The following SERPINI1 variants were observed in gnomAD, a reference collection of about 807,000 sequenced individuals.
The protein encoded by SERPINI1 is neuroserpin.
In SERPINI1, 19 loss-of-function variants were observed where a neutral mutation model predicts 41.1. The ratio of observed to expected loss-of-function variants is 0.46; its 90% CI spans 0.32 to 0.68. The LOEUF (loss-of-function observed/expected upper bound fraction) is 0.68, where lower values mean the gene tolerates loss of function less well. SERPINI1 is among the 30% of genes least tolerant of loss of function. SERPINI1 has a pLI of 0.03. For missense variants in SERPINI1, 460 were observed against 479.2 expected, an observed-to-expected ratio of 0.96 and a Z score of 0.37; for synonymous variants, 138 against 156.6, an observed-to-expected ratio of 0.88 and a Z score of 0.89.
At chr3:167,743,118 T>C (rs1183833599) in intron 1 of SERPINI1, among the ~76,000 whole-genome samples, 8 of 152,134 alleles carry the variant, frequency 5.3e-5, no homozygotes, top group Non-Finnish European at 1.0e-4. Flanking sequence ...TTAAAAAATA[T>C]GGGTATAATA....
intron 6 of SERPINI1, among the ~76,000 whole-genome samples, chr3:167,811,466 AAAAG>A (rs547835346): frequency 1.3e-5 from 2 of 150,750 alleles, no homozygotes; most frequent in Non-Finnish European, 3.0e-5. Context: ...GCTAAAAAAA[AAAAG>A]AAAAAGAAGA....
chr3:167,785,544 C>A (rs1424027010), intron 1 of SERPINI1, among the ~76,000 whole-genome samples: 1 of 152,124 alleles, frequency 6.6e-6, no homozygotes, highest in Non-Finnish European at 1.5e-5. Context: ...TGACTTTGGG[C>A]AAATTCCTAA....
chr3:167,762,764 A>G (rs1367508583), intron 1 of SERPINI1, among the ~76,000 whole-genome samples: 1 of 149,674 alleles, frequency 6.7e-6, no homozygotes, highest in Non-Finnish European at 1.5e-5. Context: ...ATCCCCTTTC[A>G]CTGAGGTTTT....
intron 1 of SERPINI1, among the ~76,000 whole-genome samples, chr3:167,768,991 T>C (rs1726654762): frequency 6.6e-6 from 1 of 151,446 alleles, no homozygotes; most frequent in Non-Finnish European, 1.5e-5. Context: ...TTTGTTTGTT[T>C]GTTTGTTTGT....
intron 1 of SERPINI1, among the ~76,000 whole-genome samples, chr3:167,760,859 G>A (rs1229434874): frequency 2.0e-5 from 3 of 152,272 alleles, no homozygotes; most frequent in South Asian, 2.1e-4. Context: ...GTAAAGGCAA[G>A]TTCAGGCAGA....
chr3:167,812,376 C>A lies in SERPINI1; in HGVS notation c.979+5035C>A, dbSNP rs571645295. On this transcript the variant is annotated intron_variant, in intron 6 of 8. Transcript: ENST00000446050. ...CCTGCCCAGCCAAACTAAATACTCA[C>A]TCTGTGTCTCACCTGTCCCCAGCTC... 2.0e-5 allele frequency among the ~76,000 whole-genome samples: 3 copies of A among 152,314 alleles called. No homozygotes were observed. The East Asian group carries it at 5.8e-4, about 29-fold the overall frequency.
chr3:167,766,525 C>T (rs1726573621), intron 1 of SERPINI1, among the ~76,000 whole-genome samples: 1 of 152,190 alleles, frequency 6.6e-6, no homozygotes, highest in Non-Finnish European at 1.5e-5. Flanking sequence ...TGGGTGGGGA[C>T]ACAGAGCCAA....
chr3:167,743,814 CAGA>C (rs1463365662), intron 1 of SERPINI1, among the ~76,000 whole-genome samples: 1 of 151,958 alleles, frequency 6.6e-6, no homozygotes, highest in African/African-American at 2.4e-5. Flanking sequence ...TGTAGAAAGC[CAGA>C]AGGAGAAGAA....
In SERPINI1 at chr3:167,825,450, A is replaced by G. The variant is rs1166595605; in HGVS notation, c.*127A>G. ...ATTTAAAATAGTTCCAGATAAAAACAATATATGTAAATTATAAGTAACTTG... is the reference window on the plus strand; with the variant it reads ...ATTTAAAATAGTTCCAGATAAAAACGATATATGTAAATTATAAGTAACTTG... On this transcript the variant is annotated 3_prime_UTR_variant, in exon 9 of 9. Coordinates refer to ENST00000446050, the MANE Select transcript of SERPINI1 (RefSeq NM_001122752.2). 1.5e-6 allele frequency: 1 copy of G among 676,748 alleles called. No homozygotes were observed. Among genetic ancestry groups the G allele is most frequent in the Non-Finnish European group, 2.7e-6 (1 of 374,546 alleles). 41.9% of individuals were successfully genotyped at this position (676,748 alleles called of 1,614,324 possible). A position where few individuals can be genotyped will look rare whatever the true frequency, so the allele number is the denominator to read the frequency against.
At chr3:167,765,437 G>A (rs1325985490) in intron 1 of SERPINI1, among the ~76,000 whole-genome samples, 1 of 152,208 alleles carries the variant, frequency 6.6e-6, no homozygotes, top group Non-Finnish European at 1.5e-5. Flanking sequence ...GCCACAGCTG[G>A]AGTGGCTAGG....
At chr3:167,755,737 T>G (rs1726172470) in intron 1 of SERPINI1, among the ~76,000 whole-genome samples, 1 of 152,150 alleles carries the variant, frequency 6.6e-6, no homozygotes, top group Non-Finnish European at 1.5e-5. Flanking sequence ...TGAAATAGTT[T>G]AGCTTTGTAA....
rs772141992 is a variant in SERPINI1 at position 167,794,797 on chromosome 3, A to G, written c.854A>G (p.Lys285Arg). Residue 285 changes from lysine to arginine, a missense_variant, in exon 5 of 9, where the codon AAG becomes AGG. By Grantham distance (26) the Lys-to-Arg change is conservative. Coordinates refer to ENST00000446050, the MANE Select transcript of SERPINI1 (RefSeq NM_001122752.2). ...LVEEWANSVK[K>R]QKVEVYLPRF... The stretch of plus-strand genomic sequence containing the variant: ...GAAGAATGGGCAAACTCTGTGAAGA[A>G]GCAAAAAGTAGAAGTATACCTGCCC... The G allele has an allele frequency of 6.2e-7, 1 of 1,613,448 alleles. No homozygotes were observed. Among genetic ancestry groups the G allele is most frequent in the Non-Finnish European group, 8.5e-7 (1 of 1,179,770 alleles).
chr3:167,748,245 A>T (rs1309044363), intron 1 of SERPINI1, among the ~76,000 whole-genome samples: 1 of 152,200 alleles, frequency 6.6e-6, no homozygotes, highest in Non-Finnish European at 1.5e-5. Flanking sequence ...TATTTAAAAG[A>T]CAGGAAGTTA....
At chr3:167,801,044 C>G (rs1171567144) in intron 5 of SERPINI1, among the ~76,000 whole-genome samples, 1 of 152,226 alleles carries the variant, frequency 6.6e-6, no homozygotes, top group African/African-American at 2.4e-5. Flanking sequence ...TCTCGAACTC[C>G]TGACCTCAGG....
chr3:167,791,887 G>A (rs145532541), intron 3 of SERPINI1, among the ~76,000 whole-genome samples: 2 of 152,316 alleles, frequency 1.3e-5, no homozygotes, highest in African/African-American at 4.8e-5. Flanking sequence ...CACTCTGGGA[G>A]GCCAAGTGGA....
chr3:167,794,983 C>A (rs1205536712), intron 5 of SERPINI1, among the ~76,000 whole-genome samples, 159 bp downstream of exon 5: 1 of 152,048 alleles, frequency 6.6e-6, no homozygotes, highest in Non-Finnish European at 1.5e-5. Context: ...TCTCCTTCTT[C>A]TTTGATTTTC....
At chr3:167,808,227 A>C (rs1208561074) in intron 6 of SERPINI1, among the ~76,000 whole-genome samples, 3 of 151,860 alleles carry the variant, frequency 2.0e-5, no homozygotes, top group East Asian at 1.9e-4. Flanking sequence ...ATTTATTTTA[A>C]ATATCCCAAG....
chr3:167,772,712 C>A (rs1423754510), intron 1 of SERPINI1, among the ~76,000 whole-genome samples: 1 of 150,820 alleles, frequency 6.6e-6, no homozygotes, highest in Non-Finnish European at 1.5e-5. Context: ...TTAAAATATT[C>A]TCTGAAATTC....
At chr3:167,735,854 C>CA (rs1370162102) in intron 1 of SERPINI1, 31 bp downstream of exon 1, 2 of 152,308 alleles carry the variant, frequency 1.3e-5, no homozygotes, top group African/African-American at 4.8e-5. Context: ...GGGGCGTCTG[C>CA]ACTGCCCTGG....
Sources: allele counts gnomAD v4.1 joint callset (sites outside exome capture counted in the v4.1 genomes callset), GRCh38; gene constraint gnomAD v4.1.1; transcripts MANE v1.5; gene names NCBI Gene and HGNC (gene_info 2026-07-23, HGNC 2026-07-21).